MRTFB: variants seen among roughly 807,000 people sequenced by gnomAD.
MRTFB encodes the protein myocardin-related transcription factor B.
Under a neutral mutation model 104.2 loss-of-function variants are expected in MRTFB, and 29 were observed. The ratio of observed to expected loss-of-function variants is 0.28; its 90% confidence interval spans 0.21 to 0.38. The LOEUF is 0.38. Ranked by LOEUF, MRTFB falls within the 10% of genes least tolerant of loss-of-function variation. The pLI is 1.00. For missense variants in MRTFB, 1,270 were observed against 1,341.6 expected (o/e 0.95, Z 0.83); for synonymous variants, 535 against 519.5 (o/e 1.03, Z -0.41).
chr16:14,008,936 A>ATTTTT, the MRTFB span, among the ~76,000 whole-genome samples: 1 of 55,586 alleles, frequency 1.8e-5, no homozygotes, highest in Non-Finnish European at 4.9e-5. Context: ...TCTTTTTTAA[A>ATTTTT]ATTTTATGTA....
At position 14,225,560 on chromosome 16, in the gene MRTFB, G is replaced by C. The variant is rs557554521; in HGVS notation, c.693+6562G>C. 2.0e-4 allele frequency among the ~76,000 whole-genome samples: 30 copies of C among 152,284 alleles called. No individual in the cohort carries two copies. The East Asian group carries it at 5.6e-3, about 28-fold the overall frequency. Reference sequence around the variant, plus strand: ...AGGAAGCTCAGAGGCCAAAGAAAGAGGCTGACAAACCCAGTTTCTCAGAGA... The same window carrying C: ...AGGAAGCTCAGAGGCCAAAGAAAGACGCTGACAAACCCAGTTTCTCAGAGA... On this transcript the variant is annotated intron_variant, in intron 8 of 16. Coordinates refer to ENST00000571589, the MANE Select transcript of MRTFB (RefSeq NM_001308142.2).
At position 14,239,452 on chromosome 16, in the gene MRTFB, A is replaced by G. The variant is rs113747577; in HGVS notation, c.832-785A>G. On this transcript the variant is annotated intron_variant, in intron 9 of 16. Coordinates refer to ENST00000571589, the MANE Select transcript of MRTFB (RefSeq NM_001308142.2). ...AGCTCCATTTAATTGAGTACTTCTCAAAGTCTTTGTATTAAGTTGGGTATG... is the reference window on the plus strand; with the variant it reads ...AGCTCCATTTAATTGAGTACTTCTCGAAGTCTTTGTATTAAGTTGGGTATG... Among the ~76,000 whole-genome samples the G allele has an allele frequency of 9.5e-3, 1,454 of 152,370 alleles. 26 individuals are homozygous for G. The highest frequency in any genetic ancestry group is 0.033 in the African/African-American group (1,383 of 41,592).
chr16:14,252,405 ACTCT>A lies in MRTFB; in HGVS notation c.2609_2612del (p.Ser870TyrfsTer57). 6.2e-7 allele frequency: 1 copy of A among 1,613,332 alleles called. No individual in the cohort carries two copies. Among genetic ancestry groups the A allele is most frequent in the Non-Finnish European group, 8.5e-7 (1 of 1,179,852 alleles). On this transcript the variant is annotated frameshift_variant, in exon 15 of 17. Coordinates refer to ENST00000571589, the MANE Select transcript of MRTFB (RefSeq NM_001308142.2). LOFTEE classifies it high-confidence loss of function. ...CCACCCCAGCAATTTGTCGTCCAGC[ACTCT>A]CTATTTGGGAGTCCAGTCGCCAAGA...
chr16:14,164,551 G>C (rs1426018756), intron 3 of MRTFB, among the ~76,000 whole-genome samples: 6 of 152,132 alleles, frequency 3.9e-5, no homozygotes, highest in Admixed American at 3.9e-4. Flanking sequence ...ATTGTGATTA[G>C]TGCTGCCTTA....
Position 14,246,897 on chromosome 16 carries a change from T to A in MRTFB, c.1637T>A (p.Met546Lys), listed in dbSNP as rs761329805. 5 of 1,613,476 alleles carry A rather than the reference T, an allele frequency of 3.1e-6. No homozygotes were observed. In the South Asian group the frequency reaches 5.5e-5, roughly 18 times the overall value. Residue 546 changes from methionine to lysine, a missense_variant, in exon 12 of 17, where the codon ATG (methionine) becomes AAG (lysine). By Grantham distance (95) the Met-to-Lys change is moderately conservative (BLOSUM62 -1). Transcript: ENST00000571589. ...TTCTTGAGTTCATCTCCTTTGAGAATGACAAATAATGAAGACAGTCTGAGT... is the reference window on the plus strand; with the variant it reads ...TTCTTGAGTTCATCTCCTTTGAGAAAGACAAATAATGAAGACAGTCTGAGT... The part of the protein sequence containing the change: ...SQFLSSSPLR[M>K]TNNEDSLSPT...
intron 15 of MRTFB, among the ~76,000 whole-genome samples, chr16:14,255,689 G>A (rs1036265055): frequency 5.3e-5 from 8 of 152,098 alleles, no homozygotes; most frequent in Non-Finnish European, 4.4e-5. Context: ...GAAATGAGTG[G>A]ATCTGTGTGG....
chr16:14,178,005 G>A (rs1235500874), intron 3 of MRTFB, among the ~76,000 whole-genome samples: 1 of 151,380 alleles, frequency 6.6e-6, no homozygotes, highest in East Asian at 1.9e-4. Context: ...TAGGAGAGAT[G>A]GTGCAGAAAT....
At chr16:14,063,986 A>G in the MRTFB span, among the ~76,000 whole-genome samples, 9 of 152,258 alleles carry the variant, frequency 5.9e-5, no homozygotes, top group African/African-American at 2.2e-4. Flanking sequence ...CTTTGGATAC[A>G]TACCCAATAA....
chr16:14,023,326 T>A, the MRTFB span, among the ~76,000 whole-genome samples: 1 of 152,008 alleles, frequency 6.6e-6, no homozygotes, highest in Admixed American at 6.6e-5. Context: ...GTGCCTGTAG[T>A]CCCAGCTATT....
At chr16:14,099,919 A>G (rs533103529) in intron 2 of MRTFB, among the ~76,000 whole-genome samples, 23 of 150,878 alleles carry the variant, frequency 1.5e-4, no homozygotes, top group Admixed American at 4.0e-4. Flanking sequence ...CCCACCTCGG[A>G]CTCCCAAAGT....
the MRTFB span, among the ~76,000 whole-genome samples, chr16:14,060,147 C>T: frequency 6.6e-6 from 1 of 151,726 alleles, no homozygotes; most frequent in Admixed American, 6.6e-5. Context: ...GCTGGGATTA[C>T]AGGAGCCCGC....
At chr16:14,170,003 G>C (rs1048898720) in intron 3 of MRTFB, 2 of 152,052 alleles carry the variant, frequency 1.3e-5, no homozygotes, top group Non-Finnish European at 2.9e-5. Context: ...AAAAGGCAAG[G>C]AATTTCAATA....
chr16:14,154,634 G>T (rs1025044682), intron 3 of MRTFB, among the ~76,000 whole-genome samples: 1 of 152,196 alleles, frequency 6.6e-6, no homozygotes, highest in Non-Finnish European at 1.5e-5. Flanking sequence ...AGGAATTCAG[G>T]CATGTCTTAG....
In MRTFB at chr16:14,247,266, G is replaced by A. The variant is rs766040866; in HGVS notation, c.2006G>A (p.Gly669Asp). 6.2e-7 allele frequency: 1 copy of A among 1,614,186 alleles called. No homozygotes were observed. The highest frequency in any genetic ancestry group is 8.5e-7 in the Non-Finnish European group (1 of 1,180,030). ...HAVGQPVSTG[G>D]QTLVAKKAVV... is the part of the protein sequence containing the mutation. Reference sequence around the variant, plus strand: ...GTAGGCCAGCCCGTCTCTACAGGTGGCCAGACCCTTGTTGCCAAAAAGGCT... The same window carrying A: ...GTAGGCCAGCCCGTCTCTACAGGTGACCAGACCCTTGTTGCCAAAAAGGCT... The change falls in exon 12 of 17, where the codon GGC becomes GAC. Residue 669 changes from glycine to aspartate, a missense_variant. Gly to Asp is a moderately conservative substitution (Grantham distance 94). Around this residue, in one of 3 missense-constraint regions of MRTFB, gnomAD observed 1,144 missense variants for 1,131.5 expected, o/e 1.01. Coordinates refer to ENST00000571589, the MANE Select transcript of MRTFB (RefSeq NM_001308142.2).
chr16:14,247,450 C>T lies in MRTFB; in HGVS notation c.2190C>T (p.Ser730=), dbSNP rs774464933. 2.5e-6 allele frequency: 4 copies of T among 1,600,808 alleles called. No individual in the cohort carries two copies. The highest frequency in any genetic ancestry group is 1.1e-5 in the South Asian group (1 of 89,944). ...TQTAQLLLPV[S]IQGSSVTSVQ... is the part of the protein sequence containing the mutation. ...CTGCTCAGCTGCTGCTCCCAGTGTC[C>T]ATCCAGGGCTCGAGTGTCACCTCAG... The change falls in exon 12 of 17, where the codon TCC becomes TCT. Residue 730 remains serine, a synonymous_variant. Transcript: ENST00000571589.
At chr16:14,083,610 ATC>A (rs1164902742) in intron 2 of MRTFB, among the ~76,000 whole-genome samples, 13 of 152,170 alleles carry the variant, frequency 8.5e-5, no homozygotes, top group Admixed American at 5.2e-4. Context: ...ATCTGATGGT[ATC>A]TCTCTCCACG....
chr16:14,158,720 A>T lies in MRTFB; in HGVS notation c.154+17960A>T, dbSNP rs1220651161. On this transcript the variant is annotated intron_variant, in intron 3 of 16. Coordinates refer to ENST00000571589, the MANE Select transcript of MRTFB (RefSeq NM_001308142.2). ...AGATTTTACTTGAGGGAATAGTTTT[A>T]TTTTAAAAGTCTGTTGAAGGTTAAG... 2.6e-5 allele frequency among the ~76,000 whole-genome samples: 4 copies of T among 152,320 alleles called. No individual in the cohort carries two copies. In the South Asian group the frequency reaches 6.2e-4, roughly 24 times the overall value.
chr16:14,171,464 A>C (rs1042828791), intron 3 of MRTFB, among the ~76,000 whole-genome samples: 1 of 151,528 alleles, frequency 6.6e-6, no homozygotes, highest in African/African-American at 2.4e-5. Context: ...GTGCCACTTC[A>C]TTCCAGCCTG....
intron 2 of MRTFB, among the ~76,000 whole-genome samples, chr16:14,097,191 T>TA (rs2035424746): frequency 1.3e-5 from 2 of 152,336 alleles, no homozygotes; most frequent in Middle Eastern, 3.4e-3. Context: ...ATCCAGCACT[T>TA]ACAACAATGC....
Sources: allele counts gnomAD v4.1 joint callset (sites outside exome capture counted in the v4.1 genomes callset), GRCh38; gene constraint gnomAD v4.1.1; regional missense constraint gnomAD v4.1.1; transcripts MANE v1.5; gene names NCBI Gene and HGNC (gene_info 2026-07-23, HGNC 2026-07-21).